The following CEP112 variants were observed in gnomAD, a reference collection of about 807,000 sequenced individuals.
The protein encoded by CEP112 is centrosomal protein 112.
A neutral mutation model predicts 153.0 loss-of-function variants in CEP112; 127 were observed. That is an observed-to-expected ratio of 0.83 (90% CI 0.72 to 0.96). CEP112 has a LOEUF of 0.96. Among genes scored for constraint, CEP112 ranks in the 40% least tolerant of loss-of-function variants. The pLI is 0.00. For missense variants in CEP112, 1,089 were observed against 1,101.2 expected, an observed-to-expected ratio of 0.99 and a Z score of 0.16; for synonymous variants, 358 against 374.4, an observed-to-expected ratio of 0.96 and a Z score of 0.51.
At chr17:65,956,871 A>G (rs1213271594) in intron 18 of CEP112, among the ~76,000 whole-genome samples, 1 of 152,164 alleles carries the variant, frequency 6.6e-6, no homozygotes, top group Non-Finnish European at 1.5e-5. Context: ...GTCCCTCCTT[A>G]TATGTTCTAA....
intron 20 of CEP112, among the ~76,000 whole-genome samples, chr17:65,896,558 T>C (rs756398320): frequency 6.6e-6 from 1 of 152,040 alleles, no homozygotes; most frequent in Non-Finnish European, 1.5e-5. Flanking sequence ...ATAATGCAAA[T>C]TTATTATTAA....
At chr17:65,832,990 T>C (rs946693090) in intron 21 of CEP112, among the ~76,000 whole-genome samples, 4 of 152,026 alleles carry the variant, frequency 2.6e-5, no homozygotes, top group African/African-American at 9.7e-5. Flanking sequence ...CAGCAGCACA[T>C]CAAAAAGCTA....
intron 23 of CEP112, among the ~76,000 whole-genome samples, chr17:65,730,091 C>A (rs1051943992): frequency 7.9e-5 from 12 of 152,224 alleles, no homozygotes; most frequent in African/African-American, 2.9e-4. Flanking sequence ...GCTCATCAAA[C>A]CTTAATTGAT....
At chr17:65,708,066 G>A (rs549270413) in intron 23 of CEP112, among the ~76,000 whole-genome samples, 10 of 152,182 alleles carry the variant, frequency 6.6e-5, no homozygotes, top group Admixed American at 2.0e-4. Context: ...AGGTTAGCAT[G>A]GCTTCTTTGA....
At chr17:66,185,411 T>TG (rs1385089636) in intron 1 of CEP112, among the ~76,000 whole-genome samples, 5 of 152,110 alleles carry the variant, frequency 3.3e-5, no homozygotes, top group African/African-American at 1.2e-4. Context: ...TTAGTAGAGA[T>TG]GGGGTTTCAC....
chr17:66,168,915 T>C (rs2072117171), intron 4 of CEP112, among the ~76,000 whole-genome samples: 2 of 152,124 alleles, frequency 1.3e-5, no homozygotes, highest in Admixed American at 1.3e-4. Context: ...GACCAACCCT[T>C]GTGCTTCTCC....
At chr17:65,758,838 A>G (rs530435877) in intron 21 of CEP112, among the ~76,000 whole-genome samples, 1 of 152,198 alleles carries the variant, frequency 6.6e-6, no homozygotes, top group Non-Finnish European at 1.5e-5. Flanking sequence ...CTTTGTAGGC[A>G]TCTATTTGAA....
chr17:65,721,009 C>CTCTCTCT (rs1555628472), intron 23 of CEP112, among the ~76,000 whole-genome samples: 1 of 125,744 alleles, frequency 8.0e-6, no homozygotes, highest in African/African-American at 2.9e-5. Context: ...CTCTCTCTCT[C>CTCTCTCT]TTTTTTTTTT....
intron 21 of CEP112, among the ~76,000 whole-genome samples, chr17:65,825,959 A>G (rs1598706598): frequency 6.6e-6 from 1 of 152,142 alleles, no homozygotes; most frequent in Non-Finnish European, 1.5e-5. Context: ...GCAGTCCAGC[A>G]TATCTAGATG....
intron 20 of CEP112, among the ~76,000 whole-genome samples, chr17:65,877,281 A>T (rs745409348): frequency 2.6e-5 from 4 of 152,220 alleles, no homozygotes; most frequent in Admixed American, 2.0e-4. Context: ...GCCATGCAGG[A>T]AGAACAAGTG....
chr17:65,811,176 T>G (rs1227197745), intron 21 of CEP112, among the ~76,000 whole-genome samples: 1 of 152,132 alleles, frequency 6.6e-6, no homozygotes, highest in East Asian at 1.9e-4. Context: ...TGTAGTAGAG[T>G]ACATGAGTGT....
chr17:65,729,357 T>G (rs2050362883), intron 23 of CEP112, among the ~76,000 whole-genome samples: 1 of 152,188 alleles, frequency 6.6e-6, no homozygotes, highest in Admixed American at 6.5e-5. Flanking sequence ...GACATATGAC[T>G]GCATACATAA....
intron 19 of CEP112, among the ~76,000 whole-genome samples, chr17:65,921,969 C>T (rs1007206860): frequency 6.6e-6 from 1 of 152,042 alleles, no homozygotes; most frequent in Non-Finnish European, 1.5e-5. Context: ...CACCATGATT[C>T]CATCCTCTAA....
chr17:65,778,321 G>A (rs962293194), intron 21 of CEP112, among the ~76,000 whole-genome samples: 7 of 152,172 alleles, frequency 4.6e-5, no homozygotes, highest in Non-Finnish European at 7.3e-5. Flanking sequence ...GGCTTTTCCA[G>A]ATCACTTTTT....
At chr17:65,649,101 C>A (rs1355527022) in intron 24 of CEP112, among the ~76,000 whole-genome samples, 29 of 150,510 alleles carry the variant, frequency 1.9e-4, no homozygotes, top group East Asian at 9.9e-4. Flanking sequence ...CACACACACA[C>A]ACACACACAC....
chr17:65,973,478 A>G (rs561125323), intron 17 of CEP112, among the ~76,000 whole-genome samples: 1 of 152,380 alleles, frequency 6.6e-6, no homozygotes, highest in African/African-American at 2.4e-5. Context: ...AGATAGGCAT[A>G]TGGCCAATAA....
At position 66,137,286 on chromosome 17, in the gene CEP112, C is replaced by T. The variant is rs191307091; in HGVS notation, c.471-4523G>A. On this transcript the variant is annotated intron_variant, in intron 4 of 26. Coordinates refer to ENST00000535342, the MANE Select transcript of CEP112 (RefSeq NM_001199165.4). ...CAAAGACAGGACATTTGAAATTATA[C>T]ATTCCACAAGAGCAAAAATGTTTTT... Among the ~76,000 whole-genome samples the T allele has an allele frequency of 8.5e-5, 13 of 152,180 alleles. No homozygotes were observed. In the East Asian group the frequency reaches 2.5e-3, roughly 29 times the overall value.
At chr17:66,098,792 C>T (rs2068447677) in intron 6 of CEP112, among the ~76,000 whole-genome samples, 1 of 152,174 alleles carries the variant, frequency 6.6e-6, no homozygotes, top group East Asian at 1.9e-4. Context: ...TCCATGACTA[C>T]ATCATAAAAA....
intron 21 of CEP112, among the ~76,000 whole-genome samples, chr17:65,799,333 G>A (rs1327225693): frequency 2.6e-5 from 4 of 152,096 alleles, no homozygotes; most frequent in Admixed American, 1.3e-4. Context: ...AGCTGGCACC[G>A]GATCCTCTAC....
Sources: gnomAD v4.1 joint callset for allele counts (sites outside exome capture counted in the v4.1 genomes callset) on GRCh38, gnomAD v4.1.1 for gene constraint, MANE v1.5 for transcripts, NCBI Gene and HGNC (gene_info 2026-07-23, HGNC 2026-07-21) for gene names.